MYO9B: variants seen among roughly 807,000 people sequenced by gnomAD.
MYO9B encodes the protein unconventional myosin-IXb.
A neutral mutation model predicts 229.5 loss-of-function variants in MYO9B; 71 were observed. That is an observed-to-expected ratio of 0.31 (90% CI 0.26 to 0.38). The LOEUF (loss-of-function observed/expected upper bound fraction) is 0.38, where lower values mean the gene tolerates loss of function less well. Ranked by LOEUF, MYO9B falls within the 10% of genes least tolerant of loss-of-function variation. The pLI is 1.00. For missense variants in MYO9B, 2,255 were observed against 2,920.5 expected (o/e 0.77, Z 5.25); for synonymous variants, 1,185 against 1,235.8 (o/e 0.96, Z 0.86).
chr19:17,127,389 C>G (rs2072136020), intron 2 of MYO9B, among the ~76,000 whole-genome samples: 1 of 150,732 alleles, frequency 6.6e-6, no homozygotes, highest in Non-Finnish European at 1.5e-5. Flanking sequence ...TGCAGTGGCG[C>G]AATCTTGGCT....
At chr19:17,084,336 CA>C (rs200013930) in intron 1 of MYO9B, among the ~76,000 whole-genome samples, 257 of 129,588 alleles carry the variant, frequency 2.0e-3, no homozygotes, top group Middle Eastern at 4.0e-3. Flanking sequence ...AGACTCATCT[CA>C]AAAAAAAAAA....
chr19:17,148,713 A>C (rs1463268668), intron 3 of MYO9B, among the ~76,000 whole-genome samples: 1 of 152,112 alleles, frequency 6.6e-6, no homozygotes, highest in Non-Finnish European at 1.5e-5. Context: ...TCTCCCAAGT[A>C]GCTGGGATTA....
intron 7 of MYO9B, 151 bp from the exon 8 acceptor site, chr19:17,159,244 G>A: frequency 1.6e-6 from 1 of 623,640 alleles, no homozygotes; most frequent in Non-Finnish European, 2.8e-6. Flanking sequence ...CGGGTGGGTG[G>A]GTGGGCTTCA....
At chr19:17,104,901 G>A (rs1282004519) in intron 2 of MYO9B, among the ~76,000 whole-genome samples, 3 of 152,020 alleles carry the variant, frequency 2.0e-5, no homozygotes, top group East Asian at 1.9e-4. Flanking sequence ...TCAACTCTAC[G>A]TTGGTACTGT....
rs2057751283 is a variant in MYO9B at position 17,102,158 on chromosome 19, C to G, written c.441C>G (p.Asp147Glu). Residue 147 changes from aspartate to glutamate, a missense_variant, in exon 2 of 40, where the codon GAC becomes GAG. Around this residue, in one of 7 missense-constraint regions of MYO9B, gnomAD observed 386 missense variants for 515.2 expected, o/e 0.75. Coordinates refer to ENST00000682292, the MANE Select transcript of MYO9B (RefSeq NM_004145.4). Reference sequence around the variant, plus strand: ...GCCTCCTGCCACGGCAGCAGGCGGACTTTGATGACCTGTGTAACCTCCCCG... The same window carrying G: ...GCCTCCTGCCACGGCAGCAGGCGGAGTTTGATGACCTGTGTAACCTCCCCG... ...ERGLLPRQQA[D>E]FDDLCNLPEL... 6.2e-7 allele frequency: 1 copy of G among 1,613,842 alleles called. No individual in the cohort carries two copies. The highest frequency in any genetic ancestry group is 8.5e-7 in the Non-Finnish European group (1 of 1,179,884).
At chr19:17,173,339 C>T (rs1420041636) in intron 13 of MYO9B, among the ~76,000 whole-genome samples, 1 of 135,064 alleles carries the variant, frequency 7.4e-6, no homozygotes, top group African/African-American at 2.8e-5. Flanking sequence ...CTCTCTCTCT[C>T]TCTTGCCCAG....
At chr19:17,211,581 C>G in intron 38 of MYO9B, 66 bp from the exon 39 acceptor site, 1 of 1,442,940 alleles carries the variant, frequency 6.9e-7, no homozygotes, top group East Asian at 2.3e-5. Context: ...ACAGCCTGCT[C>G]TGTTCCACAC....
intron 26 of MYO9B, among the ~76,000 whole-genome samples, chr19:17,201,254 T>C (rs182962174): frequency 4.6e-4 from 69 of 150,784 alleles, no homozygotes; most frequent in Non-Finnish European, 5.9e-4. Context: ...TAATGCATAT[T>C]TGGTCTCAAA....
At chr19:17,200,004 T>C (rs929344342) in intron 24 of MYO9B, among the ~76,000 whole-genome samples, 2 of 152,134 alleles carry the variant, frequency 1.3e-5, no homozygotes, top group African/African-American at 4.8e-5. Context: ...CCCAAGTAGC[T>C]GGGACTACAG....
intron 2 of MYO9B, among the ~76,000 whole-genome samples, chr19:17,116,570 A>G (rs1051492729): frequency 6.6e-6 from 1 of 152,160 alleles, no homozygotes; most frequent in African/African-American, 2.4e-5. Flanking sequence ...CAGCATTCCC[A>G]GCCCTGGTGC....
At chr19:17,090,163 A>G (rs2057624382) in intron 1 of MYO9B, among the ~76,000 whole-genome samples, 2 of 57,776 alleles carry the variant, frequency 3.5e-5, no homozygotes, top group African/African-American at 5.4e-5. Flanking sequence ...TTTTTTTTTG[A>G]GATAAGGTCT....
intron 2 of MYO9B, among the ~76,000 whole-genome samples, chr19:17,130,001 T>G (rs1056602846): frequency 2.0e-5 from 3 of 151,998 alleles, no homozygotes; most frequent in African/African-American, 7.2e-5. Context: ...TTATTTTTCT[T>G]TAAGAGACAG....
At chr19:17,099,716 G>A (rs2057726305) in intron 1 of MYO9B, among the ~76,000 whole-genome samples, 1 of 151,716 alleles carries the variant, frequency 6.6e-6, no homozygotes, top group Non-Finnish European at 1.5e-5. Flanking sequence ...TACTCGAGAG[G>A]CTGAGGCAGG....
At chr19:17,191,001 C>A in intron 19 of MYO9B, 96 bp from the exon 20 acceptor site, 3 of 1,319,464 alleles carry the variant, frequency 2.3e-6, no homozygotes, top group Non-Finnish European at 3.1e-6. Context: ...CCTGTCAAAC[C>A]CAGCTTCACC....
At chr19:17,120,104 G>A (rs2057948271) in intron 2 of MYO9B, among the ~76,000 whole-genome samples, 1 of 151,968 alleles carries the variant, frequency 6.6e-6, no homozygotes, top group Admixed American at 6.6e-5. Context: ...GTCAAAGGCA[G>A]GATGTGTAAA....
intron 15 of MYO9B, among the ~76,000 whole-genome samples, chr19:17,182,498 G>A (rs569812396): frequency 1.3e-5 from 2 of 152,034 alleles, no homozygotes; most frequent in African/African-American, 4.8e-5. Flanking sequence ...CCACCTCCCG[G>A]GTTCAAGTGA....
rs771901012 is a variant in MYO9B at position 17,102,098 on chromosome 19, G to T, written c.381G>T (p.Ala127=). The change falls in exon 2 of 40, where the codon GCG becomes GCT. Residue 127 remains alanine, a synonymous_variant. Coordinates refer to ENST00000682292, the MANE Select transcript of MYO9B (RefSeq NM_004145.4). ...TIKYVHMQLV[A]QATATRRLVE... is the part of the protein sequence containing the mutation. ...AGTACGTGCATATGCAGCTGGTGGC[G>T]CAGGCCACAGCCACCCGGCGCCTAG... 3 of 1,612,968 alleles carry T rather than the reference G, an allele frequency of 1.9e-6. No homozygotes were observed. The highest frequency in any genetic ancestry group is 1.3e-5 in the African/African-American group (1 of 75,064).
rs200323147 is a variant in MYO9B at position 17,201,926 on chromosome 19, A to G, written c.4564A>G (p.Ile1522Val). 6.1e-4 allele frequency: 977 copies of G among 1,611,518 alleles called. 2 individuals carry two copies. Among genetic ancestry groups the G allele is most frequent in the Non-Finnish European group, 8.0e-4 (939 of 1,178,810 alleles). ...KYLDEFLLNK[I>V]NDLRSQKTPI... ...AGGGTCAGTTCCTCTCCCCTTCCAG[A>G]TAAATGACCTCCGTTCCCAGAAGAC... Residue 1522 changes from isoleucine (I) to valine (V), a missense_variant and splice_region_variant, in exon 27 of 40, where the codon ATA becomes GTA. Coordinates refer to ENST00000682292, the MANE Select transcript of MYO9B (RefSeq NM_004145.4).
At chr19:17,141,829 C>G (rs916408286) in intron 2 of MYO9B, among the ~76,000 whole-genome samples, 16 of 152,176 alleles carry the variant, frequency 1.1e-4, no homozygotes, top group Non-Finnish European at 2.1e-4. Context: ...GCACACACTT[C>G]CCTGTATGTG....
Sources: allele counts gnomAD v4.1 joint callset (sites outside exome capture counted in the v4.1 genomes callset), GRCh38; gene constraint gnomAD v4.1.1; regional missense constraint gnomAD v4.1.1; transcripts MANE v1.5; gene names NCBI Gene and HGNC (gene_info 2026-07-23, HGNC 2026-07-21).